PRRC2B: variants seen among roughly 807,000 people sequenced by gnomAD.
The protein encoded by PRRC2B is proline rich coiled-coil 2B, also known as protein PRRC2B.
Under a neutral mutation model 242.3 loss-of-function variants are expected in PRRC2B, and 68 were observed. The ratio of observed to expected loss-of-function variants is 0.28; its 90% confidence interval spans 0.23 to 0.34. PRRC2B has a LOEUF of 0.34. Ranked by LOEUF, PRRC2B falls within the 10% of genes least tolerant of loss-of-function variation. The pLI, the probability that PRRC2B is intolerant of heterozygous loss-of-function variation, is 1.00. For missense variants in PRRC2B, 2,835 were observed against 2,954.8 expected (o/e 0.96, Z 0.94); for synonymous variants, 1,228 against 1,173.6 (o/e 1.05, Z -0.95).
intron 6 of PRRC2B, 66 bp downstream of exon 6, chr9:131,444,394 CT>C: frequency 6.5e-7 from 1 of 1,547,756 alleles, no homozygotes; most frequent in Non-Finnish European, 8.7e-7. Flanking sequence ...TCTCTCTGCA[CT>C]CCTAAAAGGG....
At chr9:131,429,874 C>T (rs997859926) in intron 1 of PRRC2B, among the ~76,000 whole-genome samples, 11 of 151,886 alleles carry the variant, frequency 7.2e-5, no homozygotes, top group African/African-American at 2.2e-4. Context: ...CTCCACAGAT[C>T]GCCTCGGGGT....
At chr9:131,435,986 T>G (rs1436169071) in intron 3 of PRRC2B, among the ~76,000 whole-genome samples, 1 of 152,252 alleles carries the variant, frequency 6.6e-6, no homozygotes, top group East Asian at 1.9e-4. Flanking sequence ...TTTATAAGTT[T>G]ATTTTTACTA....
In PRRC2B at chr9:131,446,973, C is replaced by G. The variant is rs910859911; in HGVS notation, c.856-112C>G. 1.1e-5 allele frequency: 15 copies of G among 1,378,010 alleles called. No individual in the cohort carries two copies. The highest frequency in any genetic ancestry group is 1.4e-5 in the African/African-American group (1 of 69,938). The allele number at this position is 1,378,010 out of a possible 1,614,324, so 85.4% of individuals were successfully genotyped here. On this transcript the variant is annotated intron_variant, in intron 7 of 31. Transcript: ENST00000683519. The surrounding 1 kb of genome is among the most constrained non-coding windows in gnomAD (Gnocchi z 4.1). ...TAGGATTAATTAGGAAACCCCATGA[C>G]TTTCCTGTTTCTTTTTCCCATTTTC...
rs1164064484 is a variant in PRRC2B, at chr9:131,499,446, G to T, written c.*3572G>T. ...CTGGAAATGGCCTTTGAAGACCAAG[G>T]ATACCAGGATGTGTGCACTCTGTCG... On this transcript the variant is annotated 3_prime_UTR_variant, in exon 32 of 32. Transcript: ENST00000683519. The T allele has an allele frequency of 6.6e-6, 1 of 152,254 alleles. No individual in the cohort carries two copies. Among genetic ancestry groups the T allele is most frequent in the Non-Finnish European group, 1.5e-5 (1 of 68,052 alleles). The allele number at this position is 152,254 out of a possible 1,614,324, so 9.4% of individuals were successfully genotyped here.
At chr9:131,428,215 C>T (rs978517918) in intron 1 of PRRC2B, among the ~76,000 whole-genome samples, 5 of 151,894 alleles carry the variant, frequency 3.3e-5, no homozygotes, top group African/African-American at 7.3e-5. Flanking sequence ...CCACCGTGCC[C>T]GGCCTACAAG....
chr9:131,399,450 G>T (rs1837166146), intron 1 of PRRC2B, among the ~76,000 whole-genome samples: 1 of 151,690 alleles, frequency 6.6e-6, no homozygotes, highest in Non-Finnish European at 1.5e-5. Context: ...GTGGTGGCGG[G>T]CGCCTGTAGT....
intron 1 of PRRC2B, among the ~76,000 whole-genome samples, chr9:131,427,387 G>A (rs1457125007): frequency 6.6e-6 from 1 of 151,960 alleles, no homozygotes; most frequent in Non-Finnish European, 1.5e-5. Context: ...CTGGAGTGCA[G>A]TGGTGCGATC....
At chr9:131,408,911 G>T (rs912146569) in intron 1 of PRRC2B, among the ~76,000 whole-genome samples, 1 of 151,746 alleles carries the variant, frequency 6.6e-6, no homozygotes, top group African/African-American at 2.4e-5. Context: ...TAGAGACGAG[G>T]TTTCTCCATG....
At chr9:131,439,639 G>C (rs932539297) in intron 5 of PRRC2B, among the ~76,000 whole-genome samples, 2 of 152,180 alleles carry the variant, frequency 1.3e-5, no homozygotes, top group African/African-American at 2.4e-5. Flanking sequence ...TGCCTAGGAG[G>C]TCCTGCCCCT....
At chr9:131,458,374 C>T (rs1335935766) in intron 10 of PRRC2B, among the ~76,000 whole-genome samples, 1 of 152,092 alleles carries the variant, frequency 6.6e-6, no homozygotes, top group Non-Finnish European at 1.5e-5. Context: ...CAAGAGTGTC[C>T]AATCTTTTGG....
At position 131,494,492 on chromosome 9, in the gene PRRC2B, A is replaced by C. The variant is rs749216859; in HGVS notation, c.6555+6A>C. The C allele has an allele frequency of 1.2e-5, 19 of 1,551,636 alleles. No individual in the cohort carries two copies. Among genetic ancestry groups the C allele is most frequent in the Middle Eastern group, 1.7e-4 (1 of 5,964 alleles). Reference sequence around the variant, plus strand: ...AGGGACACTACGTGCAACAGGTAGAAGATGGCTTTCCAGACCCTTCAGCCC... The same window carrying C: ...AGGGACACTACGTGCAACAGGTAGACGATGGCTTTCCAGACCCTTCAGCCC... On this transcript the variant is annotated splice_donor_region_variant and intron_variant, in intron 31 of 31. Transcript: ENST00000683519. The surrounding 1 kb of genome is among the most constrained non-coding windows in gnomAD (Gnocchi z 4.3).
chr9:131,402,630 G>A (rs2131285455), intron 1 of PRRC2B, among the ~76,000 whole-genome samples: 1 of 152,278 alleles, frequency 6.6e-6, no homozygotes, highest in African/African-American at 2.4e-5. Flanking sequence ...TGTCTGAGAA[G>A]GGGGTCTTAT....
intron 1 of PRRC2B, among the ~76,000 whole-genome samples, chr9:131,397,221 A>G (rs1337574206): frequency 6.6e-6 from 1 of 152,146 alleles, no homozygotes; most frequent in African/African-American, 2.4e-5. Context: ...ATACCTGTGA[A>G]TTTTGGTTAT....
At chr9:131,401,786 G>A (rs780306894) in intron 1 of PRRC2B, among the ~76,000 whole-genome samples, 2 of 150,268 alleles carry the variant, frequency 1.3e-5, no homozygotes, top group African/African-American at 2.5e-5. Flanking sequence ...TCAGCCTCCC[G>A]AGTAGCTGGG....
intron 1 of PRRC2B, among the ~76,000 whole-genome samples, chr9:131,380,018 A>T (rs1331495960): frequency 7.1e-6 from 1 of 141,392 alleles, no homozygotes; most frequent in East Asian, 2.1e-4. Flanking sequence ...TTTGAGATGG[A>T]ATCTCACTCT....
chr9:131,447,855 G>C (rs931411723), intron 9 of PRRC2B, 51 bp downstream of exon 9: 24 of 1,543,628 alleles, frequency 1.6e-5, no homozygotes, highest in Non-Finnish European at 2.0e-5. Flanking sequence ...AAGTCCATAT[G>C]TACTTACCAG....
rs748705569 is a variant in PRRC2B, at chr9:131,473,662, C to T, written c.2262C>T (p.Ser754=). 1.9e-6 allele frequency: 3 copies of T among 1,613,840 alleles called. No homozygotes were observed. The highest frequency in any genetic ancestry group is 2.5e-6 in the Non-Finnish European group (3 of 1,179,858). The change falls in exon 15 of 32, where the codon AGC becomes AGT. Residue 754 remains serine, a synonymous_variant. Transcript: ENST00000683519. ...CAGAGGGCTACATGGCACTGCAGAG[C>T]AAGGGCTACCCGCTCCCGCACCCGA... The part of the protein sequence containing the change: ...WSPEGYMALQ[S]KGYPLPHPKS...
chr9:131,472,217 T>A (rs941665742), intron 14 of PRRC2B, among the ~76,000 whole-genome samples: 1 of 152,216 alleles, frequency 6.6e-6, no homozygotes, highest in African/African-American at 2.4e-5. Context: ...TATCTTTGTA[T>A]CTACAAGATG....
At position 131,484,089 on chromosome 9, in the gene PRRC2B, C is replaced by CTACGA. The variant is rs1943947469; in HGVS notation, c.5461-596_5461-592dup. On this transcript the variant is annotated intron_variant, in intron 23 of 31. Coordinates refer to ENST00000683519, the MANE Select transcript of PRRC2B (RefSeq NM_013318.4). Reference sequence around the variant, plus strand: ...AACAATGTTTTGGAAGTGCTGGGCTCTACGAGGTTCTTTACTCGAGAGTCT... The same window carrying CTACGA: ...AACAATGTTTTGGAAGTGCTGGGCTCTACGATACGAGGTTCTTTACTCGAGAGTCT... Among the ~76,000 whole-genome samples, 3 of 152,238 alleles carry CTACGA rather than the reference C, an allele frequency of 2.0e-5. No homozygotes were observed. In the South Asian group the frequency reaches 6.2e-4, roughly 31 times the overall value.
Sources: gnomAD v4.1 joint callset for allele counts (sites outside exome capture counted in the v4.1 genomes callset) on GRCh38, gnomAD v4.1.1 for gene constraint, Gnocchi (gnomAD v3.1) non-coding constraint, MANE v1.5 for transcripts, NCBI Gene and HGNC (gene_info 2026-07-23, HGNC 2026-07-21) for gene names.